Variants in MDN1 observed in about 807,000 individuals in gnomAD.
MDN1 encodes midasin AAA ATPase 1.
MDN1 carries 266 observed loss-of-function variants against 669.2 expected under a neutral mutation model. The ratio of observed to expected loss-of-function variants is 0.40; its 90% CI spans 0.36 to 0.44. The LOEUF is 0.44. Among genes scored for constraint, MDN1 ranks in the 20% least tolerant of loss-of-function variants. The pLI, the probability that MDN1 is intolerant of heterozygous loss-of-function variation, is 1.00. For missense variants in MDN1, 5,940 were observed against 6,754.0 expected (o/e 0.88, Z 4.22); for synonymous variants, 2,385 against 2,457.1 (o/e 0.97, Z 0.87).
chr6:89,790,770 C>A (rs1258670614), intron 5 of MDN1, among the ~76,000 whole-genome samples: 1 of 152,046 alleles, frequency 6.6e-6, no homozygotes, highest in African/African-American at 2.4e-5. Flanking sequence ...CCTGTAATAC[C>A]AGCACTTTGT....
chr6:89,739,195 C>G (rs1256424511), intron 32 of MDN1, among the ~76,000 whole-genome samples: 1 of 152,144 alleles, frequency 6.6e-6, no homozygotes, highest in Non-Finnish European at 1.5e-5. Flanking sequence ...GTCCAGCATC[C>G]TACCTTGCTC....
At position 89,712,207 on chromosome 6, in the gene MDN1, T is replaced by TG. The variant is rs1197063374; in HGVS notation, c.7479dup (p.Ser2494GlnfsTer3). 2.5e-6 allele frequency: 4 copies of TG among 1,614,016 alleles called. No individual in the cohort carries two copies. The highest frequency in any genetic ancestry group is 3.4e-6 in the Non-Finnish European group (4 of 1,180,004). On this transcript the variant is annotated frameshift_variant, in exon 49 of 102. Coordinates refer to ENST00000369393, the MANE Select transcript of MDN1 (RefSeq NM_014611.3). LOFTEE classifies it high-confidence loss of function. ...GCATTGAATTTCAGGTTCTCAGGGC[T>TG]GGGGGACTGCATAATTTTCTCTAAG...
chr6:89,662,259 A>G lies in MDN1; in HGVS notation c.14413-20T>C. 3.8e-6 allele frequency: 6 copies of G among 1,599,780 alleles called. No individual in the cohort carries two copies. The highest frequency in any genetic ancestry group is 5.1e-6 in the Non-Finnish European group (6 of 1,176,000). The stretch of plus-strand genomic sequence containing the variant: ...ATCTTCCTAAATGTCAGAGGAAGAA[A>G]AAACAATCATCACACTCAATCCAAG... On this transcript the variant is annotated intron_variant, in intron 86 of 101. Coordinates refer to ENST00000369393, the MANE Select transcript of MDN1 (RefSeq NM_014611.3).
Position 89,658,688 on chromosome 6 carries a change from C to A in MDN1, c.14943G>T (p.Gln4981His). ...HPEEHSEEQQ[Q>H]SVEEKDKEAD... The stretch of plus-strand genomic sequence containing the variant: ...CTTCCTTGTCTTTTTCCTCCACAGA[C>A]TGCTGCTGCTCCTCAGAGTGTTCTT... The change falls in exon 89 of 102, where the codon CAG becomes CAT. Residue 4981 changes from glutamine to histidine, a missense_variant. Physicochemically the swap from Gln to His is conservative, Grantham distance 24. Coordinates refer to ENST00000369393, the MANE Select transcript of MDN1 (RefSeq NM_014611.3). 6.2e-7 allele frequency: 1 copy of A among 1,613,620 alleles called. No homozygotes were observed. The highest frequency in any genetic ancestry group is 1.6e-4 in the Middle Eastern group (1 of 6,062).
chr6:89,783,307 G>A (rs570133589), intron 9 of MDN1, among the ~76,000 whole-genome samples: 2 of 152,226 alleles, frequency 1.3e-5, no homozygotes, highest in East Asian at 3.9e-4. Flanking sequence ...GGCCGCTCTG[G>A]GAATGCCTGT....
At chr6:89,669,507 C>T (rs1482744748) in intron 83 of MDN1, among the ~76,000 whole-genome samples, 2 of 152,120 alleles carry the variant, frequency 1.3e-5, no homozygotes, top group East Asian at 1.9e-4. Context: ...TTCAGAGACT[C>T]GGAACTAAGA....
intron 90 of MDN1, 138 bp from the exon 91 acceptor site, chr6:89,656,939 C>T: frequency 1.4e-6 from 1 of 697,770 alleles, no homozygotes; most frequent in Admixed American, 2.9e-5. Context: ...TACCTGCCTG[C>T]CCTGGAACTC....
At chr6:89,716,436 G>A (rs1814375406) in intron 44 of MDN1, among the ~76,000 whole-genome samples, 1 of 152,246 alleles carries the variant, frequency 6.6e-6, no homozygotes, top group African/African-American at 2.4e-5. Flanking sequence ...TGCTTTGGCT[G>A]AAAATTATCA....
At position 89,797,331 on chromosome 6, in the gene MDN1, G is replaced by A. The variant is rs539565668; in HGVS notation, c.330-2530C>T. ...AGAGGTTGCAGTGAGCCAAGATCAC[G>A]CCACTGCACTCCAGCCTGGCGACAG... On this transcript the variant is annotated intron_variant, in intron 2 of 101. Coordinates refer to ENST00000369393, the MANE Select transcript of MDN1 (RefSeq NM_014611.3). Among the ~76,000 whole-genome samples, 487 of 129,858 alleles carry A rather than the reference G, an allele frequency of 3.8e-3. 1 individual carries two copies. The highest frequency in any genetic ancestry group is 0.014 in the African/African-American group (461 of 33,586). 85.2% of individuals were successfully genotyped at this position (129,858 alleles called of 152,430 possible).
At chr6:89,660,948 A>T (rs1305378395) in intron 88 of MDN1, among the ~76,000 whole-genome samples, 1 of 152,198 alleles carries the variant, frequency 6.6e-6, no homozygotes. Context: ...AATGGACAAC[A>T]AAGGCACGAA....
chr6:89,776,461 G>A lies in MDN1; in HGVS notation c.1821+139C>T, dbSNP rs184105784. ...TTTGGGAGTTGTATGCCCACGAGAG[G>A]CTGCAATAAAAGCACCAACTTTTAC... On this transcript the variant is annotated intron_variant, in intron 12 of 101. Coordinates refer to ENST00000369393, the MANE Select transcript of MDN1 (RefSeq NM_014611.3). 1,617 of 612,646 alleles carry A rather than the reference G, an allele frequency of 2.6e-3. 1 individual carries two copies. Among genetic ancestry groups the A allele is most frequent in the Non-Finnish European group, 4.0e-3 (1,413 of 352,748 alleles). 38.0% of individuals were successfully genotyped at this position (612,646 alleles called of 1,614,324 possible).
At chr6:89,701,473 T>C (rs1364906084) in intron 55 of MDN1, 85 bp downstream of exon 55, 3 of 1,514,806 alleles carry the variant, frequency 2.0e-6, no homozygotes, top group African/African-American at 2.8e-5. Context: ...GGATTAATCT[T>C]ATACAATGTC....
At chr6:89,755,445 T>C (rs1220811702) in intron 20 of MDN1, among the ~76,000 whole-genome samples, 1 of 151,848 alleles carries the variant, frequency 6.6e-6, no homozygotes, top group African/African-American at 2.4e-5. Context: ...CAGCTTTATA[T>C]GTTTTCACTT....
intron 59 of MDN1, 26 bp downstream of exon 59, chr6:89,698,839 T>C (rs950627009): frequency 6.2e-7 from 1 of 1,610,930 alleles, no homozygotes; most frequent in Non-Finnish European, 8.5e-7. Flanking sequence ...CTATCAAACA[T>C]TTTTTATAAT....
rs1562065459 is a variant in MDN1, at chr6:89,672,196, T to C, written c.13794+4A>G. 3 of 1,573,258 alleles carry C rather than the reference T, an allele frequency of 1.9e-6. No homozygotes were observed. ...GAAGAAGTTTGTAAAGAACAGTTAGTTACCAGGTGCTTTGCTGCTGTGCCA... is the reference window on the plus strand; with the variant it reads ...GAAGAAGTTTGTAAAGAACAGTTAGCTACCAGGTGCTTTGCTGCTGTGCCA... On this transcript the variant is annotated splice_donor_region_variant and intron_variant, in intron 82 of 101. Transcript: ENST00000369393.
intron 51 of MDN1, 149 bp downstream of exon 51, chr6:89,708,347 G>A (rs925883493): frequency 1.8e-5 from 17 of 953,284 alleles, no homozygotes; most frequent in Admixed American, 4.9e-5. Context: ...TATGATTATC[G>A]TATGATAAAG....
At chr6:89,665,050 A>G (rs1485335880) in intron 84 of MDN1, among the ~76,000 whole-genome samples, 1 of 152,118 alleles carries the variant, frequency 6.6e-6, no homozygotes, top group Non-Finnish European at 1.5e-5. Flanking sequence ...ATGTTGTTAG[A>G]CAGTGTCTCA....
chr6:89,794,879 C>T (rs2128327357), intron 2 of MDN1, 78 bp from the exon 3 acceptor site: 1 of 1,170,418 alleles, frequency 8.5e-7, no homozygotes, highest in African/African-American at 1.5e-5. Context: ...ATAGGTTTAT[C>T]AGAGTATTAA....
chr6:89,794,130 T>C lies in MDN1; in HGVS notation c.632A>G (p.Asn211Ser), dbSNP rs1180473748. 11 of 1,600,698 alleles carry C rather than the reference T, an allele frequency of 6.9e-6. No homozygotes were observed. Among genetic ancestry groups the C allele is most frequent in the African/African-American group, 1.3e-5 (1 of 74,182 alleles). The change falls in exon 4 of 102, where the codon AAT (asparagine) becomes AGT (serine). Residue 211 changes from asparagine (N) to serine (S), a missense_variant. Coordinates refer to ENST00000369393, the MANE Select transcript of MDN1 (RefSeq NM_014611.3). ...CCTGAAATGGATCAATTCATCACTATTAAATATCTTCTTAAGAAATGATAA... is the reference window on the plus strand; with the variant it reads ...CCTGAAATGGATCAATTCATCACTACTAAATATCTTCTTAAGAAATGATAA... ...HKLSFLKKIF[N>S]SDELIHFRLR... is the part of the protein sequence containing the mutation.
Sources: gnomAD v4.1 joint callset for allele counts (sites outside exome capture counted in the v4.1 genomes callset) on GRCh38, gnomAD v4.1.1 for gene constraint, MANE v1.5 for transcripts, NCBI Gene and HGNC (gene_info 2026-07-23, HGNC 2026-07-21) for gene names.